Variants in TENM1 observed in about 807,000 individuals in gnomAD.
The protein encoded by TENM1 is teneurin transmembrane protein 1, also known as teneurin-1.
In TENM1, 35 loss-of-function variants were observed where a neutral mutation model predicts 174.8. The observed-to-expected ratio is 0.20, with a 90% CI of 0.15 to 0.27. The LOEUF is 0.27. Among genes scored for constraint, TENM1 ranks in the 10% least tolerant of loss-of-function variants. The pLI, the probability that TENM1 is intolerant of heterozygous loss-of-function variation, is 1.00. For synonymous variants in TENM1, 781 were observed against 798.7 expected (o/e 0.98, Z 0.37); for missense variants, 1,633 against 2,130.1 (o/e 0.77, Z 4.59).
chrX:124,628,931 T>C (rs1316573093), intron 11 of TENM1, among the ~76,000 whole-genome samples: 1 of 111,539 alleles, frequency 9.0e-6, no homozygotes, highest in Non-Finnish European at 1.9e-5. Context: ...TCGCCTATAG[T>C]GAGGATGTAA....
chrX:124,962,378 C>A (rs2058666945), intron 1 of TENM1, among the ~76,000 whole-genome samples: 1 of 111,653 alleles, frequency 9.0e-6, no homozygotes, highest in Admixed American at 9.5e-5. Context: ...GGGTTTCTGA[C>A]TCAATATGTC....
chrX:124,462,418 C>CTG (rs1281592605), intron 22 of TENM1, among the ~76,000 whole-genome samples: 4 of 65,437 alleles, frequency 6.1e-5, no homozygotes, highest in South Asian at 1.3e-3. Context: ...TATTGAGATA[C>CTG]TGTGTGTGTG....
chrX:124,874,727 C>T (rs1431624485), intron 3 of TENM1, among the ~76,000 whole-genome samples: 2 of 110,301 alleles, frequency 1.8e-5, no homozygotes, highest in East Asian at 2.8e-4. Context: ...GAGTGAGGTA[C>T]GGAGGGAAGC....
At chrX:125,189,044 T>C in the TENM1 span, among the ~76,000 whole-genome samples, 22 of 112,329 alleles carry the variant, frequency 2.0e-4, no homozygotes, top group Non-Finnish European at 3.6e-4. Context: ...TAGCAAAAAA[T>C]GCTTTAAAAA....
chrX:124,382,588 A>G, intron 31 of TENM1, 82 bp downstream of exon 34: 1 of 937,734 alleles, frequency 1.1e-6, no homozygotes, highest in Non-Finnish European at 1.5e-6. Context: ...ATCAGTAAGC[A>G]AACATATGTA....
chrX:125,036,925 A>C, the TENM1 span, among the ~76,000 whole-genome samples: 1 of 111,785 alleles, frequency 8.9e-6, no homozygotes, highest in African/African-American at 3.2e-5. Context: ...TCAAAGGAAG[A>C]GCTTAAACAT....
Position 124,945,234 on chromosome X carries a change from T to G in TENM1, c.217+18303A>C, listed in dbSNP as rs1321307218. Reference sequence around the variant, plus strand: ...CAGAGGGAATAGTGATTGCCTATATTTTTCAGAATCACAACAGAATGGTTG... The same window carrying G: ...CAGAGGGAATAGTGATTGCCTATATGTTTCAGAATCACAACAGAATGGTTG... On this transcript the variant is annotated intron_variant, in intron 1 of 31. Transcript: ENST00000422452. Among the ~76,000 whole-genome samples the G allele has an allele frequency of 4.5e-5, 5 of 111,483 alleles. No individual in the cohort carries two copies. The Admixed American group carries it at 4.8e-4, about 11-fold the overall frequency.
At chrX:124,760,539 TA>T (rs2054383169) in intron 3 of TENM1, among the ~76,000 whole-genome samples, 1 of 111,932 alleles carries the variant, frequency 8.9e-6, no homozygotes, top group Admixed American at 9.5e-5. Flanking sequence ...ATACAAAAAT[TA>T]ATTCAAGATG....
At chrX:125,033,896 T>G in the TENM1 span, among the ~76,000 whole-genome samples, 1 of 112,213 alleles carries the variant, frequency 8.9e-6, no homozygotes, top group Non-Finnish European at 1.9e-5. Flanking sequence ...GACATATTTT[T>G]ATTACACATG....
the TENM1 span, among the ~76,000 whole-genome samples, chrX:125,195,460 T>C: frequency 5.3e-5 from 6 of 112,225 alleles, no homozygotes; most frequent in South Asian, 2.2e-3. Context: ...TGCACTGAAC[T>C]CTAATTGTTT....
At chrX:124,691,153 T>C (rs1465572082) in intron 5 of TENM1, among the ~76,000 whole-genome samples, 2 of 111,724 alleles carry the variant, frequency 1.8e-5, no homozygotes, top group Admixed American at 9.5e-5. Context: ...GTATTGGAAT[T>C]ATTATAGCAA....
At chrX:124,738,433 CA>C (rs1165401615) in intron 3 of TENM1, among the ~76,000 whole-genome samples, 2 of 112,088 alleles carry the variant, frequency 1.8e-5, no homozygotes, top group African/African-American at 3.2e-5. Flanking sequence ...CTCCCAAGAG[CA>C]TGACAAATTC....
At chrX:125,113,307 T>A in the TENM1 span, among the ~76,000 whole-genome samples, 2 of 111,153 alleles carry the variant, frequency 1.8e-5, no homozygotes, top group South Asian at 7.6e-4. Context: ...AGCGGAAAAC[T>A]GTCATGATCT....
chrX:124,527,773 C>T (rs1415331046), intron 16 of TENM1, among the ~76,000 whole-genome samples: 1 of 104,542 alleles, frequency 9.6e-6, no homozygotes, highest in Admixed American at 1.0e-4. Context: ...CTCAGCCACC[C>T]GAGTAGCTGG....
chrX:124,773,134 G>C (rs773497639), intron 3 of TENM1, among the ~76,000 whole-genome samples: 2 of 111,829 alleles, frequency 1.8e-5, no homozygotes, highest in South Asian at 3.7e-4. Flanking sequence ...TTCCTTTAGT[G>C]ATACAATGGC....
the TENM1 span, among the ~76,000 whole-genome samples, chrX:125,199,832 T>C: frequency 3.6e-5 from 4 of 111,911 alleles, no homozygotes; most frequent in African/African-American, 6.5e-5. Flanking sequence ...TTGCAATTGA[T>C]ATAAATATTG....
chrX:124,911,423 A>G (rs1391895617), intron 1 of TENM1, among the ~76,000 whole-genome samples: 1 of 111,474 alleles, frequency 9.0e-6, no homozygotes, highest in African/African-American at 3.3e-5. Context: ...CAAGGAGGTA[A>G]GTAAGTGCCG....
At chrX:124,417,963 G>A (rs1266309250) in intron 25 of TENM1, among the ~76,000 whole-genome samples, 1 of 111,628 alleles carries the variant, frequency 9.0e-6, no homozygotes, top group Non-Finnish European at 1.9e-5. Flanking sequence ...CCTCTTACTG[G>A]CCCAACTCCC....
At chrX:125,136,625 G>A in the TENM1 span, among the ~76,000 whole-genome samples, 1 of 111,398 alleles carries the variant, frequency 9.0e-6, no homozygotes, top group African/African-American at 3.3e-5. Flanking sequence ...ATCAGAAGTT[G>A]TGTTTGTTTC....
Sources: gnomAD v4.1 joint callset for allele counts (sites outside exome capture counted in the v4.1 genomes callset) on GRCh38, gnomAD v4.1.1 for gene constraint, MANE v1.5 for transcripts, NCBI Gene and HGNC (gene_info 2026-07-23, HGNC 2026-07-21) for gene names.